The following RAD51B variants were observed in gnomAD, a reference collection of about 807,000 sequenced individuals.
RAD51B encodes the protein RAD51 paralog B, also known as DNA repair protein RAD51 homolog 2.
In RAD51B, 38 loss-of-function variants were observed where a neutral mutation model predicts 42.2. The ratio of observed to expected loss-of-function variants is 0.90; its 90% CI spans 0.70 to 1.18. RAD51B has a LOEUF of 1.18. Among genes scored for constraint, RAD51B ranks in the 50% most tolerant of loss-of-function variants. The pLI, the probability that RAD51B is intolerant of heterozygous loss-of-function variation, is 0.00. For synonymous variants in RAD51B, 154 were observed against 145.2 expected (o/e 1.06, Z -0.43); for missense variants, 373 against 400.7 (o/e 0.93, Z 0.59).
At position 68,350,626 on chromosome 14, in the gene RAD51B, T is replaced by C. The variant is rs17105455; in HGVS notation, c.853+58646T>C. Among the ~76,000 whole-genome samples, 74 of 152,348 alleles carry C rather than the reference T, an allele frequency of 4.9e-4. No homozygotes were observed. In the East Asian group the frequency reaches 0.011, roughly 22 times the overall value. On this transcript the variant is annotated intron_variant, in intron 8 of 10. Transcript: ENST00000471583. Reference sequence around the variant, plus strand: ...AAATTTTATTTGAAAATGAGACAGATGGATAAATGAAAACAAGTTTTCTTT... The same window carrying C: ...AAATTTTATTTGAAAATGAGACAGACGGATAAATGAAAACAAGTTTTCTTT...
At chr14:68,675,984 G>GA (rs1222975414) in intron 11 of RAD51B, among the ~76,000 whole-genome samples, 2 of 152,140 alleles carry the variant, frequency 1.3e-5, no homozygotes, top group African/African-American at 4.8e-5. Context: ...GAGAAAGTCA[G>GA]AAAAATGGAA....
At chr14:67,984,129 G>A (rs1016035453) in intron 7 of RAD51B, among the ~76,000 whole-genome samples, 2 of 152,072 alleles carry the variant, frequency 1.3e-5, no homozygotes, top group African/African-American at 4.8e-5. Context: ...AGTAGAGACA[G>A]GGTTTCACCA....
intron 10 of RAD51B, among the ~76,000 whole-genome samples, chr14:68,627,923 T>TAAA (rs10671716): frequency 5.9e-5 from 9 of 151,726 alleles, no homozygotes; most frequent in Admixed American, 2.6e-4. Context: ...TTATTTTTTT[T>TAAA]TAAATAAACA....
chr14:68,406,459 A>G (rs867320096), intron 8 of RAD51B, among the ~76,000 whole-genome samples: 1 of 152,200 alleles, frequency 6.6e-6, no homozygotes, highest in South Asian at 2.1e-4. Context: ...GAAAAGGTAC[A>G]ATAAAAATGG....
intron 5 of RAD51B, among the ~76,000 whole-genome samples, chr14:67,873,413 G>A (rs947244345): frequency 1.8e-4 from 27 of 151,688 alleles, no homozygotes; most frequent in Non-Finnish European, 3.2e-4. Context: ...AGTTAGAATG[G>A]CAATCATTAA....
At chr14:68,346,793 C>T (rs577893691) in intron 8 of RAD51B, among the ~76,000 whole-genome samples, 12 of 152,294 alleles carry the variant, frequency 7.9e-5, no homozygotes, top group African/African-American at 2.4e-4. Context: ...GTTTCTCTCT[C>T]GGCCTCATTT....
intron 10 of RAD51B, among the ~76,000 whole-genome samples, chr14:68,530,376 G>A (rs1157155294): frequency 7.0e-6 from 1 of 141,870 alleles, no homozygotes; most frequent in Non-Finnish European, 1.5e-5. Flanking sequence ...GAGCCCAGAA[G>A]GTCAAGGCTA....
chr14:68,548,819 C>T (rs369123093), intron 10 of RAD51B, among the ~76,000 whole-genome samples: 1 of 152,122 alleles, frequency 6.6e-6, no homozygotes, highest in Non-Finnish European at 1.5e-5. Flanking sequence ...GGGGGCTGCC[C>T]GAGGCCTCTG....
At chr14:68,282,467 TGTTGA>T (rs2081338354) in intron 7 of RAD51B, among the ~76,000 whole-genome samples, 1 of 152,210 alleles carries the variant, frequency 6.6e-6, no homozygotes, top group South Asian at 2.1e-4. Context: ...GTGTCTCCTG[TGTTGA>T]GTCTGTTTAA....
At chr14:68,127,656 TACA>T (rs2077795985) in intron 7 of RAD51B, among the ~76,000 whole-genome samples, 1 of 65,476 alleles carries the variant, frequency 1.5e-5, no homozygotes, top group African/African-American at 8.6e-5. Context: ...CACACACACA[TACA>T]CACAGTAATG....
Position 68,341,357 on chromosome 14 carries a change from C to T in RAD51B, c.853+49377C>T, listed in dbSNP as rs2082568285. Among the ~76,000 whole-genome samples, 4 of 152,160 alleles carry T rather than the reference C, an allele frequency of 2.6e-5. No individual in the cohort carries two copies. The South Asian group carries it at 6.2e-4, about 24-fold the overall frequency. On this transcript the variant is annotated intron_variant, in intron 8 of 10. Coordinates refer to ENST00000471583, the MANE Select transcript of RAD51B (RefSeq NM_133510.4). ...TTGGCAATTCCTAGAACATCTATTACAGCACTAAAGTGGTCAGGGTTTTCA... is the reference window on the plus strand; with the variant it reads ...TTGGCAATTCCTAGAACATCTATTATAGCACTAAAGTGGTCAGGGTTTTCA...
intron 10 of RAD51B, among the ~76,000 whole-genome samples, chr14:68,496,557 C>T (rs555546799): frequency 1.3e-5 from 2 of 152,374 alleles, no homozygotes; most frequent in East Asian, 1.9e-4. Flanking sequence ...GAGCACTTGC[C>T]GTATGGCTGT....
rs117092902 is a variant in RAD51B at position 67,906,185 on chromosome 14, T to G, written c.756+18981T>G. On this transcript the variant is annotated intron_variant, in intron 7 of 10. Coordinates refer to ENST00000471583, the MANE Select transcript of RAD51B (RefSeq NM_133510.4). ...GTTTTTGTTTTTAGTTTTGTTTATG[T>G]GATGAACCACGTTTATTGATTTGCA... Among the ~76,000 whole-genome samples, 17 of 152,300 alleles carry G rather than the reference T, an allele frequency of 1.1e-4. No individual in the cohort carries two copies. In the East Asian group the frequency reaches 3.3e-3, roughly 29 times the overall value.
In RAD51B at chr14:68,291,869, C is replaced by G; in HGVS notation, c.757-15C>G. On this transcript the variant is annotated splice_polypyrimidine_tract_variant and intron_variant, in intron 7 of 10. Transcript: ENST00000471583. ...TCTCCCTTGCCCCCTACCCCTTCTC[C>G]CTGTCTGTTCACAGGTTATCTTGAC... is the stretch of plus-strand genomic sequence containing the variant. 6.2e-7 allele frequency: 1 copy of G among 1,601,018 alleles called. No homozygotes were observed. Among genetic ancestry groups the G allele is most frequent in the East Asian group, 2.2e-5 (1 of 44,738 alleles).
At chr14:68,503,155 G>C (rs748765182) in intron 10 of RAD51B, among the ~76,000 whole-genome samples, 1 of 152,218 alleles carries the variant, frequency 6.6e-6, no homozygotes, top group Non-Finnish European at 1.5e-5. Flanking sequence ...TCTCTCAAAA[G>C]AATAGGAAAG....
chr14:68,627,220 A>G (rs544933135), intron 10 of RAD51B: 20 of 152,366 alleles, frequency 1.3e-4, no homozygotes, highest in African/African-American at 4.3e-4. Flanking sequence ...AAGGGACACA[A>G]TCTGGTGCCA....
intron 7 of RAD51B, among the ~76,000 whole-genome samples, chr14:68,160,957 T>C (rs1018848899): frequency 6.6e-6 from 1 of 152,234 alleles, no homozygotes; most frequent in South Asian, 2.1e-4. Context: ...TAGCAGTTTA[T>C]TGAAAAGAGC....
intron 9 of RAD51B, among the ~76,000 whole-genome samples, chr14:68,439,178 ACACACACACTCT>A (rs1566885137): frequency 9.6e-6 from 1 of 103,732 alleles, no homozygotes; most frequent in African/African-American, 3.3e-5. Flanking sequence ...ACACACACAC[ACACACACACTCT>A]CTCACACACA....
At chr14:68,677,713 G>T (rs749993822) in intron 11 of RAD51B, among the ~76,000 whole-genome samples, 1 of 152,196 alleles carries the variant, frequency 6.6e-6, no homozygotes, top group Non-Finnish European at 1.5e-5. Flanking sequence ...CACCATCCGT[G>T]TAGTAAGGCA....
Sources: allele counts gnomAD v4.1 joint callset (sites outside exome capture counted in the v4.1 genomes callset), GRCh38; gene constraint gnomAD v4.1.1; transcripts MANE v1.5; gene names NCBI Gene and HGNC (gene_info 2026-07-23, HGNC 2026-07-21).